The following PAK5 variants were observed in gnomAD, a reference collection of about 807,000 sequenced individuals.
PAK5 encodes p21 (RAC1) activated kinase 5, also known as serine/threonine-protein kinase PAK 5.
PAK5 carries 16 observed loss-of-function variants against 65.9 expected under a neutral mutation model. That is an observed-to-expected ratio of 0.24 (90% CI 0.16 to 0.37). The LOEUF (loss-of-function observed/expected upper bound fraction) is 0.37, where lower values mean the gene tolerates loss of function less well. PAK5 is among the 10% of genes least tolerant of loss of function. PAK5 has a pLI of 1.00. For synonymous variants in PAK5, 371 were observed against 354.9 expected, an observed-to-expected ratio of 1.05 and a Z score of -0.51; for missense variants, 785 against 903.9, an observed-to-expected ratio of 0.87 and a Z score of 1.69.
At chr20:9,707,673 C>T (rs1411167917) in intron 2 of PAK5, among the ~76,000 whole-genome samples, 4 of 152,086 alleles carry the variant, frequency 2.6e-5, no homozygotes, top group Admixed American at 1.3e-4. Context: ...CTTAAGCAGC[C>T]GTGCATCCTT....
chr20:9,739,983 A>G (rs919646021), intron 1 of PAK5, among the ~76,000 whole-genome samples: 1 of 152,168 alleles, frequency 6.6e-6, no homozygotes, highest in Admixed American at 6.5e-5. Context: ...TCAGTATCTC[A>G]TGCCAACCAG....
At chr20:9,663,220 C>T (rs2047370102) in intron 2 of PAK5, among the ~76,000 whole-genome samples, 1 of 152,072 alleles carries the variant, frequency 6.6e-6, no homozygotes, top group South Asian at 2.1e-4. Context: ...TTTGTTTTTA[C>T]CCAACCTTGA....
At chr20:9,819,867 T>G (rs1037046272) in intron 1 of PAK5, among the ~76,000 whole-genome samples, 6 of 152,102 alleles carry the variant, frequency 3.9e-5, no homozygotes, top group African/African-American at 1.4e-4. Context: ...CTAGAGAGTA[T>G]TTTTTGCTGG....
chr20:9,576,784 C>T (rs556989907), intron 4 of PAK5, among the ~76,000 whole-genome samples: 1 of 152,324 alleles, frequency 6.6e-6, no homozygotes, highest in East Asian at 1.9e-4. Context: ...CATACTAAGC[C>T]TCTTAAAACC....
At chr20:9,602,174 C>T (rs1012601767) in intron 3 of PAK5, among the ~76,000 whole-genome samples, 1 of 151,882 alleles carries the variant, frequency 6.6e-6, no homozygotes, top group Non-Finnish European at 1.5e-5. Context: ...TCCTGTAGTC[C>T]CAGCTACTTG....
intron 2 of PAK5, among the ~76,000 whole-genome samples, chr20:9,646,187 T>C (rs1018410965): frequency 1.3e-5 from 2 of 152,230 alleles, no homozygotes; most frequent in Non-Finnish European, 2.9e-5. Context: ...CTGTTAAAAC[T>C]GTTACTTCTT....
chr20:9,556,523 T>C (rs560820971), intron 7 of PAK5, among the ~76,000 whole-genome samples: 1 of 152,350 alleles, frequency 6.6e-6, no homozygotes, highest in African/African-American at 2.4e-5. Flanking sequence ...AAGGGAATGG[T>C]TGGCTCCATT....
At chr20:9,731,775 T>A (rs1189846236) in intron 1 of PAK5, among the ~76,000 whole-genome samples, 1 of 152,208 alleles carries the variant, frequency 6.6e-6, no homozygotes, top group Non-Finnish European at 1.5e-5. Context: ...GTAACTAAAG[T>A]ACTTTGCAAG....
At chr20:9,554,628 T>C (rs1327859650) in intron 7 of PAK5, among the ~76,000 whole-genome samples, 3 of 152,212 alleles carry the variant, frequency 2.0e-5, no homozygotes, top group Admixed American at 2.0e-4. Context: ...AAAAGTCTTC[T>C]CCACTATATA....
intron 2 of PAK5, among the ~76,000 whole-genome samples, chr20:9,708,049 C>T (rs1600269662): frequency 1.3e-5 from 2 of 152,170 alleles, no homozygotes; most frequent in Non-Finnish European, 2.9e-5. Context: ...TTAGCCCTTA[C>T]AATACTACAG....
intron 1 of PAK5, among the ~76,000 whole-genome samples, chr20:9,725,461 G>A (rs1188628185): frequency 1.3e-5 from 2 of 152,014 alleles, no homozygotes; most frequent in Non-Finnish European, 2.9e-5. Context: ...AATGGAACAT[G>A]AAAAAACAAT....
intron 2 of PAK5, among the ~76,000 whole-genome samples, chr20:9,682,213 C>A (rs1405767310): frequency 6.6e-6 from 1 of 151,978 alleles, no homozygotes; most frequent in Admixed American, 6.5e-5. Flanking sequence ...AAAAATTAGC[C>A]AGGCGTGGTG....
chr20:9,710,428 G>C (rs915959683), intron 2 of PAK5, among the ~76,000 whole-genome samples: 1 of 152,168 alleles, frequency 6.6e-6, no homozygotes, highest in Non-Finnish European at 1.5e-5. Context: ...TGACCATTGT[G>C]TATTAAAACG....
chr20:9,550,761 T>TG (rs61241913), intron 7 of PAK5, among the ~76,000 whole-genome samples: 2 of 151,212 alleles, frequency 1.3e-5, no homozygotes, highest in African/African-American at 4.9e-5. Flanking sequence ...TGTGTGTGTG[T>TG]TTATTTCCAA....
At chr20:9,591,608 G>C (rs563456441) in intron 3 of PAK5, among the ~76,000 whole-genome samples, 3 of 128,116 alleles carry the variant, frequency 2.3e-5, no homozygotes, top group South Asian at 2.3e-4. Flanking sequence ...ATTTACTCAA[G>C]ATTCTGACAT....
At chr20:9,770,228 G>A (rs2048817968) in intron 1 of PAK5, among the ~76,000 whole-genome samples, 1 of 152,172 alleles carries the variant, frequency 6.6e-6, no homozygotes, top group African/African-American at 2.4e-5. Context: ...CTAAGAAAAA[G>A]AAATGTAGGC....
intron 1 of PAK5, among the ~76,000 whole-genome samples, chr20:9,798,280 C>T (rs773518457): frequency 1.3e-5 from 2 of 151,958 alleles, no homozygotes; most frequent in Non-Finnish European, 2.9e-5. Flanking sequence ...GCTATTGCTA[C>T]GTGTGTAATG....
intron 1 of PAK5, among the ~76,000 whole-genome samples, chr20:9,772,121 TATGGGAGTTAACAGCAA>T (rs1319756765): frequency 1.3e-4 from 20 of 152,194 alleles, no homozygotes; most frequent in Admixed American, 2.6e-4. Context: ...TGCAGGCAGC[TATGGGAGTTAACAGCAA>T]CAAATTTCCG....
intron 3 of PAK5, among the ~76,000 whole-genome samples, chr20:9,602,761 C>T (rs1467018395): frequency 6.6e-6 from 1 of 152,180 alleles, no homozygotes; most frequent in South Asian, 2.1e-4. Flanking sequence ...AATCAAAGTT[C>T]GGTTTCCTCT....
Sources: gnomAD v4.1 joint callset for allele counts (sites outside exome capture counted in the v4.1 genomes callset) on GRCh38, gnomAD v4.1.1 for gene constraint, MANE v1.5 for transcripts, NCBI Gene and HGNC (gene_info 2026-07-23, HGNC 2026-07-21) for gene names.